Variants in NDRG1 observed in about 807,000 individuals in gnomAD.
NDRG1 encodes the protein protein NDRG1.
A neutral mutation model predicts 56.9 loss-of-function variants in NDRG1; 32 were observed. The ratio of observed to expected loss-of-function variants is 0.56; its 90% CI spans 0.42 to 0.76. The LOEUF (loss-of-function observed/expected upper bound fraction) is 0.76, where lower values mean the gene tolerates loss of function less well. NDRG1 is among the 30% of genes least tolerant of loss of function. NDRG1 has a pLI of 0.00. For synonymous variants in NDRG1, 211 were observed against 204.1 expected (o/e 1.03, Z -0.29); for missense variants, 507 against 545.7 (o/e 0.93, Z 0.71).
chr8:133,257,006 C>T (rs1391911275), intron 7 of NDRG1, 143 bp from the exon 8 acceptor site: 11 of 780,640 alleles, frequency 1.4e-5, no homozygotes, highest in Admixed American at 4.0e-5. Flanking sequence ...CCGGCCCCAC[C>T]CCATGCAAAA....
At chr8:133,267,235 C>T (rs550810369) in intron 3 of NDRG1, among the ~76,000 whole-genome samples, 1 of 152,340 alleles carries the variant, frequency 6.6e-6, no homozygotes, top group East Asian at 1.9e-4. Flanking sequence ...TGCCACTTCA[C>T]TCGCCTGCCC....
chr8:133,237,831 C>G lies in NDRG1; in HGVS notation c.*1047G>C, dbSNP rs1855142304. 2 of 232,758 alleles carry G rather than the reference C, an allele frequency of 8.6e-6. No homozygotes were observed. Among genetic ancestry groups the G allele is most frequent in the East Asian group, 1.2e-4 (2 of 16,554 alleles). The allele number at this position is 232,758 out of a possible 1,614,324, so 14.4% of individuals were successfully genotyped here. A position where few individuals can be genotyped will look rare whatever the true frequency, so the allele number is the denominator to read the frequency against. ...GATTTAAGCCAATCACACAAAATTC[C>G]TGGAACCAAGCTGGGATCCACAGAA... On this transcript the variant is annotated 3_prime_UTR_variant, in exon 16 of 16. Transcript: ENST00000323851.
chr8:133,261,362 C>A (rs1856652296), intron 5 of NDRG1, among the ~76,000 whole-genome samples: 1 of 152,158 alleles, frequency 6.6e-6, no homozygotes, highest in Non-Finnish European at 1.5e-5. Flanking sequence ...AAACTCCCAA[C>A]CTCGGTGGTC....
At chr8:133,292,033 T>G (rs1390448640) in intron 1 of NDRG1, among the ~76,000 whole-genome samples, 1 of 152,054 alleles carries the variant, frequency 6.6e-6, no homozygotes, top group Non-Finnish European at 1.5e-5. Context: ...AGATTCTCAG[T>G]GGAGTTTTGG....
chr8:133,284,376 T>C, intron 1 of NDRG1, 47 bp from the exon 2 acceptor site: 2 of 1,589,366 alleles, frequency 1.3e-6, no homozygotes. Context: ...TGCTGAGAGG[T>C]TTCCTAAAGG....
chr8:133,277,544 A>G (rs1219250810), intron 3 of NDRG1, among the ~76,000 whole-genome samples: 1 of 152,172 alleles, frequency 6.6e-6, no homozygotes, highest in Non-Finnish European at 1.5e-5. Flanking sequence ...TCCAGCCTGG[A>G]TGACAGAGCA....
Position 133,252,526 on chromosome 8 carries a change from C to T in NDRG1, c.595-1983G>A, listed in dbSNP as rs545657356. Among the ~76,000 whole-genome samples, 394 of 151,826 alleles carry T rather than the reference C, an allele frequency of 2.6e-3. 1 individual carries two copies. Among genetic ancestry groups the T allele is most frequent in the Non-Finnish European group, 4.8e-3 (327 of 67,902 alleles). ...GGAGCCTCTGTTCCCCTGGTACACT[C>T]GCCAACTCCAGAGTGGGGTCTCTGT... On this transcript the variant is annotated intron_variant, in intron 9 of 15. Transcript: ENST00000323851.
At chr8:133,275,459 T>C (rs899461656) in intron 3 of NDRG1, among the ~76,000 whole-genome samples, 45 of 152,324 alleles carry the variant, frequency 3.0e-4, no homozygotes, top group African/African-American at 1.1e-3. Flanking sequence ...GGCCTTTGCT[T>C]GTGCTGTTAC....
intron 15 of NDRG1, chr8:133,240,169 G>A (rs1855302014): frequency 6.6e-6 from 1 of 152,220 alleles, no homozygotes; most frequent in Admixed American, 6.5e-5. Context: ...AACTTTGAGA[G>A]AATGGATTTC....
chr8:133,269,793 T>C (rs1302565568), intron 3 of NDRG1, among the ~76,000 whole-genome samples: 3 of 152,246 alleles, frequency 2.0e-5, no homozygotes, highest in Non-Finnish European at 4.4e-5. Flanking sequence ...AAAACACTCG[T>C]ACCTCCCCAG....
At chr8:133,262,704 G>A (rs1032265150) in intron 4 of NDRG1, among the ~76,000 whole-genome samples, 1 of 152,126 alleles carries the variant, frequency 6.6e-6, no homozygotes, top group Non-Finnish European at 1.5e-5. Context: ...TTTTCCTCCT[G>A]GGCACTCAGC....
At chr8:133,264,070 G>A (rs754872301) in intron 4 of NDRG1, among the ~76,000 whole-genome samples, 1 of 151,692 alleles carries the variant, frequency 6.6e-6, no homozygotes, top group Non-Finnish European at 1.5e-5. Flanking sequence ...TAAGAAAGAA[G>A]CCAGTTACCA....
chr8:133,282,943 G>A (rs968209805), intron 2 of NDRG1, among the ~76,000 whole-genome samples: 2 of 152,204 alleles, frequency 1.3e-5, no homozygotes, highest in African/African-American at 4.8e-5. Context: ...TTCCTGTCTA[G>A]GACCAGTTTG....
At chr8:133,268,147 C>T (rs1038729243) in intron 3 of NDRG1, among the ~76,000 whole-genome samples, 1 of 152,182 alleles carries the variant, frequency 6.6e-6, no homozygotes, top group African/African-American at 2.4e-5. Context: ...TAGCTGCCTG[C>T]TCTCAGTGGG....
At chr8:133,280,352 C>G in intron 2 of NDRG1, 85 bp from the exon 3 acceptor site, 2 of 1,308,316 alleles carry the variant, frequency 1.5e-6, no homozygotes, top group Non-Finnish European at 2.2e-6. Flanking sequence ...CTTTCTATGA[C>G]CTGAATCTGT....
rs1350680997 is a variant in NDRG1, at chr8:133,265,972, C to T, written c.100-1320G>A. ...CCCCTTTGAAGTGCCCCACTCTGGG[C>T]TCTGCTCCCACAGGGCAGTTGGGGA... On this transcript the variant is annotated intron_variant, in intron 3 of 15. Transcript: ENST00000323851. Among the ~76,000 whole-genome samples the T allele has an allele frequency of 2.0e-5, 3 of 152,390 alleles. No individual in the cohort carries two copies. The East Asian group carries it at 5.8e-4, about 29-fold the overall frequency.
In NDRG1 at chr8:133,262,191, GAA is replaced by G. The variant is rs1182496587; in HGVS notation, c.206-26_206-25del. ...GTCTGAAGAACAGCAGTGAGGGAGA[GAA>G]GAGAAAAAAGTAAGATGAGAAAAAA... On this transcript the variant is annotated intron_variant, in intron 4 of 15. Coordinates refer to ENST00000323851, the MANE Select transcript of NDRG1 (RefSeq NM_006096.4). 3 of 1,613,762 alleles carry G rather than the reference GAA, an allele frequency of 1.9e-6. No individual in the cohort carries two copies. In the African/African-American group the frequency reaches 4.0e-5, roughly 22 times the overall value.
intron 1 of NDRG1, among the ~76,000 whole-genome samples, chr8:133,289,752 C>T (rs1379963714): frequency 6.6e-6 from 1 of 152,196 alleles, no homozygotes; most frequent in East Asian, 1.9e-4. Context: ...TGTTCAACAG[C>T]CCCTGGGGGA....
chr8:133,278,101 C>T (rs927372960), intron 3 of NDRG1, among the ~76,000 whole-genome samples: 1 of 152,154 alleles, frequency 6.6e-6, no homozygotes, highest in African/African-American at 2.4e-5. Context: ...GCAAGGGCAG[C>T]TTCGATCAGG....
Sources: allele counts gnomAD v4.1 joint callset (sites outside exome capture counted in the v4.1 genomes callset), GRCh38; gene constraint gnomAD v4.1.1; transcripts MANE v1.5; gene names NCBI Gene and HGNC (gene_info 2026-07-23, HGNC 2026-07-21).